The following RGS7 variants were observed in gnomAD, a reference collection of about 807,000 sequenced individuals.
The protein encoded by RGS7 is regulator of G protein signaling 7, also known as regulator of G-protein signaling 7.
A neutral mutation model predicts 81.1 loss-of-function variants in RGS7; 27 were observed. The ratio of observed to expected loss-of-function variants is 0.33; its 90% CI spans 0.25 to 0.46. The LOEUF is 0.46. Among genes scored for constraint, RGS7 ranks in the 20% least tolerant of loss-of-function variants. The pLI is 1.00. For missense variants in RGS7, 396 were observed against 607.4 expected (o/e 0.65, Z 3.66); for synonymous variants, 208 against 207.7 (o/e 1.00, Z -0.01).
intron 4 of RGS7, among the ~76,000 whole-genome samples, chr1:240,958,311 G>T (rs774102848): frequency 7.2e-5 from 11 of 152,182 alleles, no homozygotes; most frequent in Non-Finnish European, 1.6e-4. Context: ...TCATTACAAA[G>T]GATCCTTGTA....
chr1:241,277,618 C>CAAA (rs34520025), intron 2 of RGS7, among the ~76,000 whole-genome samples: 3 of 132,774 alleles, frequency 2.3e-5, no homozygotes, highest in Non-Finnish European at 4.8e-5. Context: ...GACTCCATCT[C>CAAA]AAAAAAAAAA....
chr1:240,952,251 C>G (rs1679685886), intron 4 of RGS7, among the ~76,000 whole-genome samples: 1 of 151,860 alleles, frequency 6.6e-6, no homozygotes, highest in Admixed American at 6.6e-5. Context: ...TTTTCTTATT[C>G]TTAGTTTATC....
chr1:241,157,564 T>C (rs2069263969), intron 2 of RGS7, among the ~76,000 whole-genome samples: 1 of 152,140 alleles, frequency 6.6e-6, no homozygotes, highest in African/African-American at 2.4e-5. Flanking sequence ...AACCTGAATA[T>C]AGATCTATCA....
Position 240,814,744 on chromosome 1 carries a change from G to A in RGS7, c.817C>T (p.Arg273Trp), listed in dbSNP as rs772169550. The A allele has an allele frequency of 5.0e-6, 8 of 1,601,584 alleles. No homozygotes were observed. Among genetic ancestry groups the A allele is most frequent in the Admixed American group, 1.7e-5 (1 of 59,984 alleles). ...KYWQIQLDRH[R>W]LKMSKVADSL... ...TCAGCGACTTTTGACATTTTTAACC[G>A]ATGTCTATCTAACTGTATTTGCCAA... is the stretch of plus-strand genomic sequence containing the variant. Residue 273 changes from arginine (R) to tryptophan (W), a missense_variant, in exon 12 of 19, where the codon CGG (arginine) becomes TGG (tryptophan). Coordinates refer to ENST00000440928, the MANE Select transcript of RGS7 (RefSeq NM_001364886.1).
chr1:241,230,066 G>A (rs1033895607), intron 2 of RGS7, among the ~76,000 whole-genome samples: 3 of 149,850 alleles, frequency 2.0e-5, no homozygotes, highest in Admixed American at 6.7e-5. Context: ...TTATATTTAA[G>A]TTTTTTTTTT....
chr1:241,089,063 C>CTCTA (rs1374552672), intron 3 of RGS7, among the ~76,000 whole-genome samples: 32 of 23,682 alleles, frequency 1.4e-3, no homozygotes, highest in Non-Finnish European at 1.5e-3. Flanking sequence ...CTCTCTCTCT[C>CTCTA]TATATATATA....
chr1:240,977,811 G>A (rs1401035432), intron 4 of RGS7, among the ~76,000 whole-genome samples: 2 of 152,132 alleles, frequency 1.3e-5, no homozygotes, highest in Non-Finnish European at 2.9e-5. Flanking sequence ...AGCTGCAGTG[G>A]GGCTGCACTA....
rs112203044 is a variant in RGS7 at position 241,038,500 on chromosome 1, T to G, written c.176-55371A>C. Among the ~76,000 whole-genome samples, 1,417 of 152,258 alleles carry G rather than the reference T, an allele frequency of 9.3e-3. 26 individuals carry two copies. The highest frequency in any genetic ancestry group is 0.032 in the African/African-American group (1,340 of 41,540). ...GCAATGAAAGCAGATTTGACAAGTA[T>G]AGTTAATAGAAAGTTTGGGTATAAT... On this transcript the variant is annotated intron_variant, in intron 3 of 18. Transcript: ENST00000440928.
chr1:241,121,963 C>CA (rs1201096303), intron 2 of RGS7, among the ~76,000 whole-genome samples: 2 of 152,090 alleles, frequency 1.3e-5, no homozygotes, highest in African/African-American at 2.4e-5. Context: ...CTTAGCCTCC[C>CA]AAAATGCTGG....
At chr1:241,255,727 C>T (rs1051433155) in intron 2 of RGS7, among the ~76,000 whole-genome samples, 4 of 152,080 alleles carry the variant, frequency 2.6e-5, no homozygotes, top group Admixed American at 2.0e-4. Flanking sequence ...ATTCTGCATT[C>T]GTATTCAACT....
intron 16 of RGS7, 39 bp from the exon 17 acceptor site, chr1:240,801,547 G>C (rs1231866568): frequency 7.2e-7 from 1 of 1,387,464 alleles, no homozygotes. Context: ...AGGGAAATAA[G>C]GGAAGATTAA....
intron 2 of RGS7, among the ~76,000 whole-genome samples, chr1:241,146,957 A>G (rs1005611852): frequency 6.6e-5 from 10 of 152,114 alleles, no homozygotes; most frequent in African/African-American, 1.4e-4. Context: ...ATACCATCGT[A>G]TTGGGGGTGA....
chr1:241,166,112 C>T (rs890115370), intron 2 of RGS7, among the ~76,000 whole-genome samples: 3 of 151,998 alleles, frequency 2.0e-5, no homozygotes, highest in Non-Finnish European at 4.4e-5. Flanking sequence ...GGGTAGAATT[C>T]AAATAAAAAA....
chr1:241,254,333 T>C (rs1197530584), intron 2 of RGS7, among the ~76,000 whole-genome samples: 1 of 152,156 alleles, frequency 6.6e-6, no homozygotes, highest in Non-Finnish European at 1.5e-5. Flanking sequence ...AGAAGAAATT[T>C]TCTTGAGCTG....
At chr1:240,791,070 A>C (rs1685913314) in intron 18 of RGS7, among the ~76,000 whole-genome samples, 1 of 152,198 alleles carries the variant, frequency 6.6e-6, no homozygotes, top group South Asian at 2.1e-4. Flanking sequence ...TTAATACCAA[A>C]ATAAAATCTG....
chr1:241,215,264 C>A (rs2074478313), intron 2 of RGS7, among the ~76,000 whole-genome samples: 1 of 152,154 alleles, frequency 6.6e-6, no homozygotes, highest in African/African-American at 2.4e-5. Flanking sequence ...ATCTCTCAGT[C>A]TTGATACATG....
intron 2 of RGS7, among the ~76,000 whole-genome samples, chr1:241,137,952 C>A (rs905413604): frequency 1.3e-5 from 2 of 152,070 alleles, no homozygotes; most frequent in Admixed American, 6.6e-5. Flanking sequence ...GGGCAGATCA[C>A]CTGAGGTCGG....
chr1:241,224,003 C>CA (rs34609438), intron 2 of RGS7, among the ~76,000 whole-genome samples: 38,313 of 128,926 alleles, frequency 0.3, 5,670 homozygotes, highest in East Asian at 0.59. Flanking sequence ...TGGGTCCCTC[C>CA]AAAAAAAAAA....
rs981114836 is a variant in RGS7 at position 241,318,900 on chromosome 1, A to G, written c.78+36799T>C. Among the ~76,000 whole-genome samples, 31 of 152,234 alleles carry G rather than the reference A, an allele frequency of 2.0e-4. 2 individuals are homozygous for G. The highest frequency in any genetic ancestry group is 6.5e-5 in the Admixed American group (1 of 15,282). Reference sequence around the variant, plus strand: ...CATTTACAAAAGGCTTCCTGGACTTAGCCCTTTAAAAATGCACGACACTTA... The same window carrying G: ...CATTTACAAAAGGCTTCCTGGACTTGGCCCTTTAAAAATGCACGACACTTA... On this transcript the variant is annotated intron_variant, in intron 2 of 18. Transcript: ENST00000440928.
Sources: gnomAD v4.1 joint callset for allele counts (sites outside exome capture counted in the v4.1 genomes callset) on GRCh38, gnomAD v4.1.1 for gene constraint, MANE v1.5 for transcripts, NCBI Gene and HGNC (gene_info 2026-07-23, HGNC 2026-07-21) for gene names.